DTNB: variants seen among roughly 807,000 people sequenced by gnomAD.
DTNB encodes the protein DTN-B.
DTNB carries 63 observed loss-of-function variants against 90.7 expected under a neutral mutation model. The observed-to-expected ratio is 0.69, with a 90% CI of 0.57 to 0.86. The LOEUF (loss-of-function observed/expected upper bound fraction) is 0.86. DTNB is among the 40% of genes least tolerant of loss of function. DTNB has a pLI of 0.00. For missense variants in DTNB, 744 were observed against 807.1 expected, an observed-to-expected ratio of 0.92 and a Z score of 0.95; for synonymous variants, 277 against 286.7, an observed-to-expected ratio of 0.97 and a Z score of 0.34.
chr2:25,388,110 A>T, intron 17 of DTNB, 92 bp downstream of exon 17: 4 of 1,517,740 alleles, frequency 2.6e-6, no homozygotes, highest in Non-Finnish European at 3.5e-6. Flanking sequence ...AGCAAAGAGC[A>T]CAAAACAGAA....
Position 25,386,087 on chromosome 2 carries a change from C to T in DTNB, c.1825+1202G>A, listed in dbSNP as rs890430311. On this transcript the variant is annotated intron_variant, in intron 18 of 20. Transcript: ENST00000406818. ...TTTATGTGTACAGAGCGGGGCCGTG[C>T]TTCTGATGGGGGTTGAGAAACAGTG... 4.1e-6 allele frequency: 4 copies of T among 985,350 alleles called. No homozygotes were observed. The African/African-American group carries it at 7.0e-5, about 17-fold the overall frequency. 61.0% of individuals were successfully genotyped at this position (985,350 alleles called of 1,614,324 possible).
At chr2:25,465,641 C>T (rs955270456) in intron 10 of DTNB, among the ~76,000 whole-genome samples, 2 of 152,162 alleles carry the variant, frequency 1.3e-5, no homozygotes, top group Non-Finnish European at 2.9e-5. Flanking sequence ...AGTACCTTCC[C>T]ACCATGGGAC....
intron 1 of DTNB, among the ~76,000 whole-genome samples, chr2:25,672,249 G>C (rs1040549769): frequency 1.5e-5 from 2 of 130,748 alleles, no homozygotes; most frequent in East Asian, 5.0e-4. Context: ...CAGAGAGAGA[G>C]AACTTGTGGA....
At chr2:25,423,128 C>T (rs1009423925) in intron 15 of DTNB, among the ~76,000 whole-genome samples, 8 of 152,208 alleles carry the variant, frequency 5.3e-5, no homozygotes, top group African/African-American at 9.6e-5. Context: ...ATCCGGGAGG[C>T]AGAGGTTGCA....
chr2:25,615,706 C>A (rs1559245361), intron 4 of DTNB, among the ~76,000 whole-genome samples: 1 of 152,220 alleles, frequency 6.6e-6, no homozygotes, highest in South Asian at 2.1e-4. Flanking sequence ...GTCTCAGGGG[C>A]TCTGTGCCAG....
intron 9 of DTNB, among the ~76,000 whole-genome samples, chr2:25,516,462 A>G (rs1402421420): frequency 6.6e-6 from 1 of 151,924 alleles, no homozygotes; most frequent in Non-Finnish European, 1.5e-5. Flanking sequence ...CATGTTGCCC[A>G]TGTTGGTCTC....
At chr2:25,438,033 G>A (rs1179929898) in intron 12 of DTNB, among the ~76,000 whole-genome samples, 1 of 152,194 alleles carries the variant, frequency 6.6e-6, no homozygotes, top group East Asian at 1.9e-4. Flanking sequence ...GAGACTCAAT[G>A]AAGTGAGGAA....
chr2:25,541,102 A>C (rs970308716), intron 8 of DTNB, among the ~76,000 whole-genome samples: 1 of 152,166 alleles, frequency 6.6e-6, no homozygotes, highest in Non-Finnish European at 1.5e-5. Flanking sequence ...TGGTATAGAA[A>C]ATAATGTAGG....
At chr2:25,549,070 T>C (rs538881037) in intron 8 of DTNB, among the ~76,000 whole-genome samples, 26 of 152,212 alleles carry the variant, frequency 1.7e-4, no homozygotes, top group African/African-American at 6.3e-4. Context: ...TGTAAAATTA[T>C]AATATATGTA....
chr2:25,663,835 C>T (rs1266860746), intron 1 of DTNB, among the ~76,000 whole-genome samples: 1 of 152,182 alleles, frequency 6.6e-6, no homozygotes, highest in Non-Finnish European at 1.5e-5. Flanking sequence ...TTACACCAAA[C>T]TCAAATTATT....
At chr2:25,459,101 T>C (rs1574736661) in intron 10 of DTNB, among the ~76,000 whole-genome samples, 1 of 152,118 alleles carries the variant, frequency 6.6e-6, no homozygotes, top group African/African-American at 2.4e-5. Flanking sequence ...TTGATTCTGA[T>C]GTGCCTTGGT....
At chr2:25,577,791 A>T (rs1381225121) in intron 7 of DTNB, among the ~76,000 whole-genome samples, 1 of 152,224 alleles carries the variant, frequency 6.6e-6, no homozygotes, top group Non-Finnish European at 1.5e-5. Context: ...TCACGAGGTC[A>T]GGAGTTCGAG....
chr2:25,445,841 G>T (rs1404951506), intron 12 of DTNB, among the ~76,000 whole-genome samples: 1 of 150,750 alleles, frequency 6.6e-6, no homozygotes, highest in Non-Finnish European at 1.5e-5. Flanking sequence ...ACCTCCGGTA[G>T]TTAAATCTTA....
Position 25,387,458 on chromosome 2 carries a change from G to T in DTNB, c.1736-80C>A. On this transcript the variant is annotated intron_variant, in intron 17 of 20. Transcript: ENST00000406818. This position sits in a 1 kb window ranked among gnomAD's most constrained non-coding sequence, Gnocchi z 4.5. Reference sequence around the variant, plus strand: ...ACGGCTGAGCAAATGCCTCAGTTCTGCCAGGCCCGAGAACACAGGTGTGGA... The same window carrying T: ...ACGGCTGAGCAAATGCCTCAGTTCTTCCAGGCCCGAGAACACAGGTGTGGA... The T allele has an allele frequency of 1.5e-6, 2 of 1,364,738 alleles. No homozygotes were observed. Among genetic ancestry groups the T allele is most frequent in the South Asian group, 1.3e-5 (1 of 79,402 alleles). The allele number at this position is 1,364,738 out of a possible 1,614,324, so 84.5% of individuals were successfully genotyped here.
chr2:25,548,493 A>C (rs1024887927), intron 8 of DTNB, among the ~76,000 whole-genome samples: 1 of 151,368 alleles, frequency 6.6e-6, no homozygotes, highest in South Asian at 2.1e-4. Context: ...GAACAGAAGG[A>C]GGTGAGGGAG....
rs57969480 is a variant in DTNB, at chr2:25,576,221, G to GTT, written c.876+615_876+616dup. Reference sequence around the variant, plus strand: ...GGGCGGAATCCCCTTGAACAGTTTTGTTTTTTTTTTTTTTTTTTTTTTGAG... The same window carrying GTT: ...GGGCGGAATCCCCTTGAACAGTTTTGTTTTTTTTTTTTTTTTTTTTTTTTGAG... On this transcript the variant is annotated intron_variant, in intron 8 of 20. Coordinates refer to ENST00000406818, the MANE Select transcript of DTNB (RefSeq NM_021907.5). Among the ~76,000 whole-genome samples, 722 of 97,380 alleles carry GTT rather than the reference G, an allele frequency of 7.4e-3. 1 individual carries two copies. The highest frequency in any genetic ancestry group is 0.011 in the Non-Finnish European group (504 of 45,024). 63.9% of individuals were successfully genotyped at this position (97,380 alleles called of 152,430 possible).
At chr2:25,488,760 C>T (rs576170145) in intron 9 of DTNB, among the ~76,000 whole-genome samples, 10 of 152,306 alleles carry the variant, frequency 6.6e-5, no homozygotes, top group African/African-American at 1.2e-4. Flanking sequence ...TCAAGCGATT[C>T]CCCCCTCACC....
At chr2:25,634,976 T>A (rs1429088223) in intron 3 of DTNB, among the ~76,000 whole-genome samples, 1 of 138,730 alleles carries the variant, frequency 7.2e-6, no homozygotes, top group Non-Finnish European at 1.6e-5. Flanking sequence ...CACTTGTTTA[T>A]CTGCTGACCT....
intron 10 of DTNB, among the ~76,000 whole-genome samples, chr2:25,468,512 G>A (rs750102093): frequency 5.9e-5 from 9 of 152,206 alleles, no homozygotes; most frequent in Admixed American, 3.3e-4. Flanking sequence ...GGGCCAAAGC[G>A]CAAGGACGGG....
Sources: gnomAD v4.1 joint callset for allele counts (sites outside exome capture counted in the v4.1 genomes callset) on GRCh38, gnomAD v4.1.1 for gene constraint, Gnocchi (gnomAD v3.1) non-coding constraint, MANE v1.5 for transcripts, NCBI Gene and HGNC (gene_info 2026-07-23, HGNC 2026-07-21) for gene names.